SPTLC3: variants seen among roughly 807,000 people sequenced by gnomAD.
SPTLC3 encodes the protein serine palmitoyltransferase long chain base subunit 3, also known as serine palmitoyltransferase 3.
A neutral mutation model predicts 59.3 loss-of-function variants in SPTLC3; 36 were observed. The observed-to-expected ratio is 0.61, with a 90% CI of 0.47 to 0.80. The LOEUF is 0.80. SPTLC3 is among the 30% of genes least tolerant of loss of function. The pLI is 0.00. For synonymous variants in SPTLC3, 257 were observed against 240.8 expected (o/e 1.07, Z -0.62); for missense variants, 625 against 685.1 (o/e 0.91, Z 0.98).
chr20:13,026,974 A>G (rs1004179206), intron 1 of SPTLC3, among the ~76,000 whole-genome samples: 2 of 152,176 alleles, frequency 1.3e-5, no homozygotes, highest in African/African-American at 4.8e-5. Context: ...CAGCAGCCTC[A>G]TCCTTCGGGA....
At chr20:13,040,823 T>C (rs1399055342) in intron 1 of SPTLC3, among the ~76,000 whole-genome samples, 1 of 152,206 alleles carries the variant, frequency 6.6e-6, no homozygotes, top group Admixed American at 6.5e-5. Context: ...GTGTCTTTAT[T>C]TTGCCTTCAT....
At chr20:13,130,457 T>C (rs1311107599) in intron 9 of SPTLC3, among the ~76,000 whole-genome samples, 1 of 152,218 alleles carries the variant, frequency 6.6e-6, no homozygotes, top group African/African-American at 2.4e-5. Flanking sequence ...TTCACTTTAA[T>C]CTGCAATGCA....
chr20:13,042,469 T>G (rs935960159), intron 1 of SPTLC3, among the ~76,000 whole-genome samples: 1 of 152,044 alleles, frequency 6.6e-6, no homozygotes, highest in African/African-American at 2.4e-5. Flanking sequence ...GGAGTAAGGG[T>G]AATTGGGGCC....
chr20:13,052,784 A>G (rs1457099065), intron 2 of SPTLC3, among the ~76,000 whole-genome samples: 1 of 152,114 alleles, frequency 6.6e-6, no homozygotes, highest in African/African-American at 2.4e-5. Flanking sequence ...GGGAAGTTCA[A>G]ATTAGGTGGA....
chr20:13,124,796 T>C (rs1447095960), intron 8 of SPTLC3, among the ~76,000 whole-genome samples: 1 of 152,056 alleles, frequency 6.6e-6, no homozygotes, highest in Non-Finnish European at 1.5e-5. Context: ...GATGGAAAAG[T>C]GATGGGCAGG....
At chr20:13,063,173 T>A (rs1296715314) in intron 2 of SPTLC3, among the ~76,000 whole-genome samples, 1 of 152,226 alleles carries the variant, frequency 6.6e-6, no homozygotes, top group Admixed American at 6.5e-5. Context: ...TCCTGATTAA[T>A]AGTATGACTG....
At chr20:13,091,314 C>A in intron 5 of SPTLC3, 107 bp downstream of exon 5, 1 of 1,404,394 alleles carries the variant, frequency 7.1e-7, no homozygotes, top group Non-Finnish European at 9.6e-7. Flanking sequence ...GTGGTTCACG[C>A]CTGTAATCCT....
rs1445083622 is a variant in SPTLC3, at chr20:13,167,197, T to A, written c.*2330T>A. 5 of 152,130 alleles carry A rather than the reference T, an allele frequency of 3.3e-5. No individual in the cohort carries two copies. Among genetic ancestry groups the A allele is most frequent in the Non-Finnish European group, 1.5e-5 (1 of 68,010 alleles). The allele number at this position is 152,130 out of a possible 1,614,324, so 9.4% of individuals were successfully genotyped here. ...GGAGGGTGATTGTGAATAATGAGATTTTTAATTTTTTTAAGAAAAAGCTCT... is the reference window on the plus strand; with the variant it reads ...GGAGGGTGATTGTGAATAATGAGATATTTAATTTTTTTAAGAAAAAGCTCT... On this transcript the variant is annotated 3_prime_UTR_variant, in exon 12 of 12. Transcript: ENST00000399002.
At chr20:13,080,518 A>AAAAAAAAAG (rs1988805444) in intron 4 of SPTLC3, among the ~76,000 whole-genome samples, 2 of 151,838 alleles carry the variant, frequency 1.3e-5, no homozygotes, top group Non-Finnish European at 2.9e-5. Flanking sequence ...CTCCAAAAAA[A>AAAAAAAAAG]AAACAGGCAA....
intron 9 of SPTLC3, among the ~76,000 whole-genome samples, chr20:13,144,970 T>C (rs1249189066): frequency 6.6e-6 from 1 of 152,032 alleles, no homozygotes; most frequent in Non-Finnish European, 1.5e-5. Flanking sequence ...AGACACAGGG[T>C]TTCACCATGT....
chr20:13,016,557 A>G (rs912816983), intron 1 of SPTLC3, among the ~76,000 whole-genome samples: 13 of 152,170 alleles, frequency 8.5e-5, no homozygotes, highest in African/African-American at 3.1e-4. Context: ...TAGGCTATCT[A>G]CCTTATCCTA....
chr20:13,053,952 T>C (rs980695198), intron 2 of SPTLC3, among the ~76,000 whole-genome samples: 1 of 152,192 alleles, frequency 6.6e-6, no homozygotes, highest in Non-Finnish European at 1.5e-5. Context: ...TGGAACCAAG[T>C]TGGAAAACAC....
intron 1 of SPTLC3, 94 bp from the exon 2 acceptor site, chr20:13,048,851 T>C: frequency 8.9e-7 from 1 of 1,123,258 alleles, no homozygotes; most frequent in Non-Finnish European, 1.2e-6. Flanking sequence ...ATATGGCCTT[T>C]GGAATTCAAA....
chr20:13,089,803 AAC>A (rs1320616423), intron 4 of SPTLC3, among the ~76,000 whole-genome samples: 71 of 149,446 alleles, frequency 4.8e-4, no homozygotes, highest in African/African-American at 1.6e-3. Flanking sequence ...AAAAAAAAAA[AAC>A]AAAACAATGT....
chr20:13,116,076 A>G (rs552427202), intron 7 of SPTLC3, among the ~76,000 whole-genome samples: 210 of 152,314 alleles, frequency 1.4e-3, no homozygotes, highest in Non-Finnish European at 2.7e-3. Flanking sequence ...GAACTCGGCC[A>G]TCCAAAACTA....
chr20:13,072,797 G>T (rs1988494550), intron 3 of SPTLC3, among the ~76,000 whole-genome samples: 1 of 152,232 alleles, frequency 6.6e-6, no homozygotes, highest in South Asian at 2.1e-4. Flanking sequence ...GAGTGTCATA[G>T]AAATAAGTGC....
At chr20:13,122,621 G>A (rs2037893569) in intron 8 of SPTLC3, among the ~76,000 whole-genome samples, 1 of 152,222 alleles carries the variant, frequency 6.6e-6, no homozygotes, top group Non-Finnish European at 1.5e-5. Flanking sequence ...AATTAAAACA[G>A]TACCTACCTT....
chr20:13,035,601 GTCAAT>G (rs1222961031), intron 1 of SPTLC3, among the ~76,000 whole-genome samples: 2 of 152,118 alleles, frequency 1.3e-5, no homozygotes, highest in Non-Finnish European at 2.9e-5. Context: ...CTGCTAACTG[GTCAAT>G]GATTAATTGC....
intron 1 of SPTLC3, among the ~76,000 whole-genome samples, chr20:13,045,017 AC>A (rs1568575849): frequency 1.3e-4 from 19 of 151,878 alleles, no homozygotes; most frequent in Non-Finnish European, 1.6e-4. Context: ...ACACACACAC[AC>A]ACACACACAC....
Sources: gnomAD v4.1 joint callset for allele counts (sites outside exome capture counted in the v4.1 genomes callset) on GRCh38, gnomAD v4.1.1 for gene constraint, MANE v1.5 for transcripts, NCBI Gene and HGNC (gene_info 2026-07-23, HGNC 2026-07-21) for gene names.